ZNF714: variants seen among roughly 807,000 people sequenced by gnomAD.
ZNF714 encodes the protein zinc finger protein 714.
A neutral mutation model predicts 46.2 loss-of-function variants in ZNF714; 32 were observed. The ratio of observed to expected loss-of-function variants is 0.69; its 90% confidence interval spans 0.52 to 0.93. ZNF714 has a LOEUF of 0.93. ZNF714 is among the 40% of genes least tolerant of loss of function. The pLI is 0.00. For synonymous variants in ZNF714, 199 were observed against 213.1 expected (o/e 0.93, Z 0.58); for missense variants, 635 against 646.3 (o/e 0.98, Z 0.19).
rs1397630844 is a variant in ZNF714 at position 21,125,065 on chromosome 19, AT to A, written c.*6734del. The A allele has an allele frequency of 2.7e-5, 4 of 145,952 alleles. No homozygotes were observed. The highest frequency in any genetic ancestry group is 6.9e-5 in the Admixed American group (1 of 14,432). 9.0% of individuals were successfully genotyped at this position (145,952 alleles called of 1,614,324 possible). On this transcript the variant is annotated 3_prime_UTR_variant, in exon 5 of 5. Coordinates refer to ENST00000456283, the MANE Select transcript of ZNF714 (RefSeq NM_182515.4). ...GAGACCAGCCTGGTCAACATGGAAA[AT>A]CCCCGTCTCTACAAAAAAAAAAAAA...
Position 21,119,100 on chromosome 19 carries a change from C to G in ZNF714, c.*768C>G. On this transcript the variant is annotated 3_prime_UTR_variant, in exon 5 of 5. Transcript: ENST00000456283. ...TATAAGTACAATTACTGTCAAAAGACCTTTCAGAAAATACAAGCTTTTGAC... is the reference window on the plus strand; with the variant it reads ...TATAAGTACAATTACTGTCAAAAGAGCTTTCAGAAAATACAAGCTTTTGAC... 1 of 452,744 alleles carries G rather than the reference C, an allele frequency of 2.2e-6. No homozygotes were observed. The highest frequency in any genetic ancestry group is 4.4e-6 in the Non-Finnish European group (1 of 225,418). The allele number at this position is 452,744 out of a possible 1,614,324, so 28.0% of individuals were successfully genotyped here. A position where few individuals can be genotyped will look rare whatever the true frequency, so the allele number is the denominator to read the frequency against.
chr19:21,117,438 A>G lies in ZNF714; in HGVS notation c.774A>G (p.Lys258=), dbSNP rs761379322. 1 of 1,612,792 alleles carries G rather than the reference A, an allele frequency of 6.2e-7. No individual in the cohort carries two copies. The highest frequency in any genetic ancestry group is 1.7e-5 in the Admixed American group (1 of 59,818). The change falls in exon 5 of 5, where the codon AAA becomes AAG. Residue 258 remains lysine (K), a synonymous_variant. Transcript: ENST00000456283. ...TTCATACTGGAGAGAAGCCCTTCAA[A>G]TGTGAAGAATGTGGTAAAGCTTTTA... ...KVIHTGEKPF[K]CEECGKAFNH... is the part of the protein sequence containing the mutation.
chr19:21,100,145 T>C (rs1028149639), intron 4 of ZNF714, among the ~76,000 whole-genome samples: 1 of 151,774 alleles, frequency 6.6e-6, no homozygotes, highest in Admixed American at 6.6e-5. Flanking sequence ...TGAGTCACCA[T>C]GCCCAGCCGA....
In ZNF714 at chr19:21,083,982, A is replaced by G. The variant is rs1968717851; in HGVS notation, c.-172A>G. On this transcript the variant is annotated 5_prime_UTR_variant, in exon 2 of 5. Coordinates refer to ENST00000456283, the MANE Select transcript of ZNF714 (RefSeq NM_182515.4). ...CTGGTTTATTTTCTTCCATAGGGCG[A>G]CCTGAGGTCTGGAGTGTATCCTCTC... 2.3e-6 allele frequency: 3 copies of G among 1,290,970 alleles called. No individual in the cohort carries two copies. The highest frequency in any genetic ancestry group is 2.6e-5 in the Admixed American group (1 of 38,168). The allele number at this position is 1,290,970 out of a possible 1,614,324, so 80.0% of individuals were successfully genotyped here.
At chr19:21,107,688 T>A (rs538727888) in intron 4 of ZNF714, among the ~76,000 whole-genome samples, 1 of 152,176 alleles carries the variant, frequency 6.6e-6, no homozygotes, top group Non-Finnish European at 1.5e-5. Context: ...TGTCTTTTAT[T>A]TTTATTTTAT....
chr19:21,098,085 CA>C (rs1452849361), intron 2 of ZNF714, 99 bp from the exon 3 acceptor site: 1 of 1,467,270 alleles, frequency 6.8e-7, no homozygotes, highest in East Asian at 2.4e-5. Flanking sequence ...ATAAGTCAAC[CA>C]ATTCTCTTTA....
chr19:21,106,517 C>A, intron 4 of ZNF714, among the ~76,000 whole-genome samples: 1 of 145,332 alleles, frequency 6.9e-6, no homozygotes. Flanking sequence ...TGTAGTGAGC[C>A]GAGATCGTGC....
chr19:21,110,934 T>A (rs1208110389), intron 4 of ZNF714, among the ~76,000 whole-genome samples: 1 of 152,146 alleles, frequency 6.6e-6, no homozygotes, highest in African/African-American at 2.4e-5. Flanking sequence ...TCTATTCTGT[T>A]CCATTGGTCT....
intron 4 of ZNF714, among the ~76,000 whole-genome samples, chr19:21,100,753 C>G (rs1969158627): frequency 6.6e-6 from 1 of 152,068 alleles, no homozygotes; most frequent in African/African-American, 2.4e-5. Context: ...CTGTGTCACC[C>G]AGGCTGGAGT....
At chr19:21,101,328 A>G (rs1321117895) in intron 4 of ZNF714, among the ~76,000 whole-genome samples, 1 of 152,086 alleles carries the variant, frequency 6.6e-6, no homozygotes, top group Admixed American at 6.6e-5. Context: ...TTTGTAGTGA[A>G]GAGGGGTTGT....
chr19:21,117,522 A>C lies in ZNF714; in HGVS notation c.858A>C (p.Lys286Asn). The C allele has an allele frequency of 2.5e-6, 4 of 1,606,754 alleles. No homozygotes were observed. Among genetic ancestry groups the C allele is most frequent in the Non-Finnish European group, 3.4e-6 (4 of 1,175,974 alleles). ...KFIHVKEKPY[K>N]CEECDKAFNR... ...TTCATGTTAAAGAAAAACCCTACAA[A>C]TGTGAAGAATGTGACAAAGCTTTTA... Residue 286 changes from lysine to asparagine, a missense_variant, in exon 5 of 5, where the codon AAA becomes AAC. Lys to Asn is a moderately conservative substitution (Grantham distance 94, BLOSUM62 0). Coordinates refer to ENST00000456283, the MANE Select transcript of ZNF714 (RefSeq NM_182515.4).
chr19:21,089,686 A>T lies in ZNF714; in HGVS notation c.-85+5617A>T, dbSNP rs575666629. On this transcript the variant is annotated intron_variant, in intron 2 of 4. Coordinates refer to ENST00000456283, the MANE Select transcript of ZNF714 (RefSeq NM_182515.4). ...CAGCCTTAAAGGGTCCTAGGCCTGC[A>T]TTCTATCCTAAGGAACCCCTCTTAA... Among the ~76,000 whole-genome samples the T allele has an allele frequency of 2.0e-4, 30 of 152,342 alleles. 1 individual carries two copies. The highest frequency in any genetic ancestry group is 7.2e-4 in the African/African-American group (30 of 41,582).
intron 2 of ZNF714, among the ~76,000 whole-genome samples, chr19:21,093,547 T>C (rs2144833915): frequency 6.6e-6 from 1 of 152,198 alleles, no homozygotes; most frequent in Non-Finnish European, 1.5e-5. Flanking sequence ...TTTTTGTTTT[T>C]GTTTTTTTGT....
Position 21,114,533 on chromosome 19 carries a change from A to G in ZNF714, c.143-2274A>G, listed in dbSNP as rs187205531. On this transcript the variant is annotated intron_variant, in intron 4 of 4. Coordinates refer to ENST00000456283, the MANE Select transcript of ZNF714 (RefSeq NM_182515.4). ...CCTCCATTCTTTAATTTGAGCCTAC[A>G]TTTGTCTTTTCATGCGAAGTGGGTC... Among the ~76,000 whole-genome samples, 16 of 151,722 alleles carry G rather than the reference A, an allele frequency of 1.1e-4. 1 individual carries two copies. The South Asian group carries it at 3.1e-3, about 30-fold the overall frequency.
intron 4 of ZNF714, among the ~76,000 whole-genome samples, chr19:21,114,456 C>G (rs1193828230): frequency 7.0e-6 from 1 of 141,994 alleles, no homozygotes; most frequent in Non-Finnish European, 1.5e-5. Flanking sequence ...AAAAAAGAAA[C>G]TATGATTGCA....
Position 21,123,717 on chromosome 19 carries a change from AG to A in ZNF714, c.*5386del, listed in dbSNP as rs1469973263. 2 of 152,204 alleles carry A rather than the reference AG, an allele frequency of 1.3e-5. No individual in the cohort carries two copies. The highest frequency in any genetic ancestry group is 3.8e-4 in the East Asian group (2 of 5,202). The allele number at this position is 152,204 out of a possible 1,614,324, so 9.4% of individuals were successfully genotyped here. A position where few individuals can be genotyped will look rare whatever the true frequency, so the allele number is the denominator to read the frequency against. On this transcript the variant is annotated 3_prime_UTR_variant, in exon 5 of 5. Transcript: ENST00000456283. ...TTACATTTCCGTGCAGAATCTTTTA[AG>A]TGTGGTGGTAAAGATTGCAAAATAA...
At chr19:21,090,471 A>G (rs1257140447) in intron 2 of ZNF714, among the ~76,000 whole-genome samples, 1 of 152,128 alleles carries the variant, frequency 6.6e-6, no homozygotes, top group African/African-American at 2.4e-5. Context: ...GATTAATCCA[A>G]AGAGAATAGC....
At position 21,117,543 on chromosome 19, in the gene ZNF714, T is replaced by G; in HGVS notation, c.879T>G (p.Ala293=). ...KPYKCEECDK[A]FNRFSYLTKH... ...ACAAATGTGAAGAATGTGACAAAGC[T>G]TTTAACCGATTCTCATACCTTACTA... The change falls in exon 5 of 5, where the codon GCT becomes GCG. Residue 293 remains alanine, a synonymous_variant. Transcript: ENST00000456283. 6.2e-7 allele frequency: 1 copy of G among 1,605,870 alleles called. No individual in the cohort carries two copies. Among genetic ancestry groups the G allele is most frequent in the Non-Finnish European group, 8.5e-7 (1 of 1,175,536 alleles).
In ZNF714 at chr19:21,123,782, C is replaced by A. The variant is rs1202787623; in HGVS notation, c.*5450C>A. On this transcript the variant is annotated 3_prime_UTR_variant, in exon 5 of 5. Transcript: ENST00000456283. ...GAATTTAAAATTTAGAAAAATATGT[C>A]TTTTCTATATTGATTTTACAATTTG... The A allele has an allele frequency of 3.3e-5, 5 of 151,800 alleles. No homozygotes were observed. Among genetic ancestry groups the A allele is most frequent in the Non-Finnish European group, 7.4e-5 (5 of 67,958 alleles). The allele number at this position is 151,800 out of a possible 1,614,324, so 9.4% of individuals were successfully genotyped here.
Sources: allele counts gnomAD v4.1 joint callset (sites outside exome capture counted in the v4.1 genomes callset), GRCh38; gene constraint gnomAD v4.1.1; transcripts MANE v1.5; gene names NCBI Gene and HGNC (gene_info 2026-07-23, HGNC 2026-07-21).